The following ADAMTSL1 variants were observed in gnomAD, a reference collection of about 807,000 sequenced individuals.
The protein encoded by ADAMTSL1 is ADAMTS like 1.
Under a neutral mutation model 201.8 loss-of-function variants are expected in ADAMTSL1, and 126 were observed. The ratio of observed to expected loss-of-function variants is 0.62; its 90% CI spans 0.54 to 0.72. ADAMTSL1 has a LOEUF of 0.72. Ranked by LOEUF, ADAMTSL1 falls within the 30% of genes least tolerant of loss-of-function variation. ADAMTSL1 has a pLI of 0.00. For synonymous variants in ADAMTSL1, 1,121 were observed against 903.4 expected (o/e 1.24, Z -4.32); for missense variants, 2,679 against 2,277.8 (o/e 1.18, Z -3.59).
At chr9:18,393,066 T>C (rs1184690067) in intron 2 of ADAMTSL1, among the ~76,000 whole-genome samples, 1 of 152,222 alleles carries the variant, frequency 6.6e-6, no homozygotes, top group African/African-American at 2.4e-5. Flanking sequence ...ATTGACCACT[T>C]GTAGAAAGGG....
At position 18,038,561 on chromosome 9, in the gene ADAMTSL1, CTA is replaced by C. The variant is rs538638766; in HGVS notation, c.88-125299_88-125298del. On this transcript the variant is annotated intron_variant, in intron 1 of 29. Coordinates refer to the ADAMTSL1 transcript ENST00000680146. ...TCTCAACCTGTATCTTTTGTGTCTG[CTA>C]TTTTGCCTAAAGGATTTCAAAGGGT... Among the ~76,000 whole-genome samples the C allele has an allele frequency of 1.1e-4, 17 of 152,250 alleles. 2 individuals carry two copies. The East Asian group carries it at 3.3e-3, about 29-fold the overall frequency.
At chr9:18,188,412 A>G (rs1171766870) in intron 2 of ADAMTSL1, among the ~76,000 whole-genome samples, 15 of 152,106 alleles carry the variant, frequency 9.9e-5, no homozygotes, top group Non-Finnish European at 2.9e-5. Context: ...TCAGTGGCAA[A>G]TGAAAACATG....
chr9:18,838,354 C>G (rs1322658784), intron 23 of ADAMTSL1, among the ~76,000 whole-genome samples: 1 of 136,304 alleles, frequency 7.3e-6, no homozygotes, highest in African/African-American at 3.0e-5. Flanking sequence ...CACAGCCAAA[C>G]CATATTACAC....
chr9:18,096,810 A>G (rs1362593784), intron 1 of ADAMTSL1, among the ~76,000 whole-genome samples: 1 of 152,148 alleles, frequency 6.6e-6, no homozygotes, highest in Non-Finnish European at 1.5e-5. Flanking sequence ...TCTTCCACAA[A>G]TAACCATTGA....
intron 1 of ADAMTSL1, among the ~76,000 whole-genome samples, chr9:18,070,838 C>T (rs957233054): frequency 2.6e-5 from 4 of 152,158 alleles, no homozygotes; most frequent in Admixed American, 2.6e-4. Context: ...ACTGCACACT[C>T]ATCCCCACCC....
rs902801476 is a variant in ADAMTSL1 at position 18,534,948 on chromosome 9, C to T, written c.237+1656C>T. 2.0e-5 allele frequency among the ~76,000 whole-genome samples: 3 copies of T among 152,176 alleles called. No homozygotes were observed. In the East Asian group the frequency reaches 5.8e-4, roughly 29 times the overall value. On this transcript the variant is annotated intron_variant, in intron 3 of 28. Transcript: ENST00000380548. ...ATTTTTCCCTTCTAGGCCTCTGGGA[C>T]TGAGATGGGAGGGGCTTCCAGGAAG...
intron 14 of ADAMTSL1, chr9:18,718,282 A>G (rs4977340): frequency 0.56 from 420,159 of 746,624 alleles, 120,088 homozygotes; most frequent in Admixed American, 0.67. Flanking sequence ...GCTTTGATGG[A>G]ATAAACTAAT....
At chr9:18,702,847 C>T (rs972343277) in intron 13 of ADAMTSL1, among the ~76,000 whole-genome samples, 1 of 152,066 alleles carries the variant, frequency 6.6e-6, no homozygotes, top group African/African-American at 2.4e-5. Context: ...ACTGCAACCT[C>T]CACCTCCCGG....
chr9:18,153,600 G>A (rs763060899), intron 1 of ADAMTSL1, among the ~76,000 whole-genome samples: 4 of 151,960 alleles, frequency 2.6e-5, no homozygotes, highest in African/African-American at 9.7e-5. Flanking sequence ...AATGGGTGAG[G>A]ACTGAAGCCC....
At chr9:18,173,539 A>T (rs1017085509) in intron 2 of ADAMTSL1, among the ~76,000 whole-genome samples, 1 of 152,148 alleles carries the variant, frequency 6.6e-6, no homozygotes, top group African/African-American at 2.4e-5. Context: ...ATTTCCTTAC[A>T]GCTTACACAG....
intron 2 of ADAMTSL1, among the ~76,000 whole-genome samples, chr9:18,386,918 T>C (rs1411549212): frequency 6.6e-6 from 1 of 152,142 alleles, no homozygotes; most frequent in Non-Finnish European, 1.5e-5. Context: ...ATTTCATAGT[T>C]ACCCAAATTT....
chr9:18,081,542 C>G (rs901441395), intron 1 of ADAMTSL1, among the ~76,000 whole-genome samples: 1 of 152,146 alleles, frequency 6.6e-6, no homozygotes, highest in Non-Finnish European at 1.5e-5. Context: ...CAGGGCAATA[C>G]TTTAAAATCA....
intron 2 of ADAMTSL1, among the ~76,000 whole-genome samples, chr9:18,460,626 C>T (rs1423625908): frequency 6.6e-6 from 1 of 152,182 alleles, no homozygotes; most frequent in African/African-American, 2.4e-5. Context: ...GGTGTACATG[C>T]AGGTTTACAC....
chr9:18,886,113 C>T (rs1828836755), intron 23 of ADAMTSL1, among the ~76,000 whole-genome samples: 2 of 141,534 alleles, frequency 1.4e-5, no homozygotes, highest in South Asian at 4.5e-4. Context: ...ATGGTGAAAC[C>T]TTGTCTCTAC....
At chr9:18,892,121 C>T (rs977594978) in intron 25 of ADAMTSL1, among the ~76,000 whole-genome samples, 8 of 152,202 alleles carry the variant, frequency 5.3e-5, no homozygotes, top group African/African-American at 1.9e-4. Context: ...AGGGCCCAGC[C>T]AGATAATCCA....
At chr9:18,166,511 A>G (rs1827639509) in intron 2 of ADAMTSL1, among the ~76,000 whole-genome samples, 2 of 151,996 alleles carry the variant, frequency 1.3e-5, no homozygotes, top group Non-Finnish European at 2.9e-5. Context: ...ATTTGGGATT[A>G]TCTGTCACGA....
intron 2 of ADAMTSL1, among the ~76,000 whole-genome samples, chr9:18,262,417 A>G (rs1165913372): frequency 6.6e-6 from 1 of 152,220 alleles, no homozygotes; most frequent in Admixed American, 6.5e-5. Context: ...ACATAAACAT[A>G]TTATTTTTAA....
intron 5 of ADAMTSL1, among the ~76,000 whole-genome samples, chr9:18,634,877 A>G (rs28580690): frequency 2.3e-5 from 3 of 130,084 alleles, no homozygotes; most frequent in Admixed American, 1.5e-4. Flanking sequence ...ATATATATTT[A>G]TATATATAAA....
At chr9:18,310,203 C>G (rs1019434662) in intron 2 of ADAMTSL1, among the ~76,000 whole-genome samples, 1 of 151,798 alleles carries the variant, frequency 6.6e-6, no homozygotes, top group Admixed American at 6.6e-5. Context: ...GGTATAAACA[C>G]TTAAACATAA....
Sources: allele counts gnomAD v4.1 joint callset (sites outside exome capture counted in the v4.1 genomes callset), GRCh38; gene constraint gnomAD v4.1.1; transcripts MANE v1.5; gene names NCBI Gene and HGNC (gene_info 2026-07-23, HGNC 2026-07-21).